The following CDH13 variants were observed in gnomAD, a reference collection of about 807,000 sequenced individuals.
The protein encoded by CDH13 is cadherin 13.
In CDH13, 24 loss-of-function variants were observed where a neutral mutation model predicts 63.8. The ratio of observed to expected loss-of-function variants is 0.38; its 90% CI spans 0.27 to 0.53. The LOEUF (loss-of-function observed/expected upper bound fraction) is 0.53. Ranked by LOEUF, CDH13 falls within the 20% of genes least tolerant of loss-of-function variation. CDH13 has a pLI of 0.85. For synonymous variants in CDH13, 503 were observed against 355.3 expected, an observed-to-expected ratio of 1.42 and a Z score of -4.67; for missense variants, 1,049 against 903.1, an observed-to-expected ratio of 1.16 and a Z score of -2.07.
chr16:83,536,931 G>A (rs188136833), intron 7 of CDH13, among the ~76,000 whole-genome samples: 12 of 152,284 alleles, frequency 7.9e-5, no homozygotes, highest in African/African-American at 1.4e-4. Flanking sequence ...GGGATGTTGC[G>A]GATGGAGGTA....
intron 3 of CDH13, among the ~76,000 whole-genome samples, chr16:83,042,053 G>A (rs557082680): frequency 6.6e-4 from 101 of 152,230 alleles, no homozygotes; most frequent in Admixed American, 3.7e-3. Flanking sequence ...TCTACTCTGA[G>A]CCAACTGTTT....
chr16:82,715,825 G>C (rs2032329450), intron 1 of CDH13, among the ~76,000 whole-genome samples: 1 of 152,124 alleles, frequency 6.6e-6, no homozygotes, highest in African/African-American at 2.4e-5. Flanking sequence ...ATTCCTACCT[G>C]CCTTTTTTAT....
intron 3 of CDH13, among the ~76,000 whole-genome samples, chr16:83,105,620 A>G (rs373739306): frequency 1.3e-5 from 2 of 152,154 alleles, no homozygotes; most frequent in African/African-American, 4.8e-5. Flanking sequence ...GCCATGTGAT[A>G]TTAGATGGCA....
At chr16:83,670,057 A>G (rs1289128044) in intron 8 of CDH13, among the ~76,000 whole-genome samples, 1 of 152,230 alleles carries the variant, frequency 6.6e-6, no homozygotes, top group Non-Finnish European at 1.5e-5. Flanking sequence ...GATGTATTAC[A>G]ATAGAAACAC....
At chr16:83,017,506 G>T (rs189786026) in intron 2 of CDH13, among the ~76,000 whole-genome samples, 26 of 152,320 alleles carry the variant, frequency 1.7e-4, no homozygotes, top group African/African-American at 6.3e-4. Flanking sequence ...CCTACTTACA[G>T]ATGTGTGACC....
At chr16:83,393,940 T>G (rs766028643) in intron 6 of CDH13, among the ~76,000 whole-genome samples, 7 of 152,178 alleles carry the variant, frequency 4.6e-5, no homozygotes, top group Non-Finnish European at 8.8e-5. Context: ...GATCATGTCC[T>G]GTGCAGGAAC....
At chr16:83,079,024 A>C (rs2033048691) in intron 3 of CDH13, among the ~76,000 whole-genome samples, 1 of 152,050 alleles carries the variant, frequency 6.6e-6, no homozygotes, top group Non-Finnish European at 1.5e-5. Flanking sequence ...TGAACTCCTG[A>C]CCTCAGGTGA....
At chr16:83,636,313 A>T (rs938669914) in intron 8 of CDH13, among the ~76,000 whole-genome samples, 2 of 151,624 alleles carry the variant, frequency 1.3e-5, no homozygotes, top group South Asian at 2.1e-4. Context: ...TCCTTTTTCG[A>T]CTTTTACTTT....
chr16:83,668,835 C>T (rs566809005), intron 8 of CDH13, among the ~76,000 whole-genome samples: 2 of 152,310 alleles, frequency 1.3e-5, no homozygotes, highest in South Asian at 4.1e-4. Flanking sequence ...GTCACCAAGC[C>T]CCCTCCTGAC....
intron 10 of CDH13, among the ~76,000 whole-genome samples, chr16:83,700,248 A>G (rs1906017126): frequency 6.6e-6 from 1 of 152,160 alleles, no homozygotes; most frequent in Non-Finnish European, 1.5e-5. Flanking sequence ...CCGTGTTGTC[A>G]CCTGTGTCAC....
At chr16:83,354,222 C>T (rs994414960) in intron 6 of CDH13, among the ~76,000 whole-genome samples, 1 of 152,244 alleles carries the variant, frequency 6.6e-6, no homozygotes, top group East Asian at 1.9e-4. Flanking sequence ...CCGTTGGATC[C>T]TATCCCTGAT....
chr16:82,972,426 C>G (rs1458550814), intron 2 of CDH13, among the ~76,000 whole-genome samples: 1 of 152,174 alleles, frequency 6.6e-6, no homozygotes, highest in Non-Finnish European at 1.5e-5. Context: ...GAAAGTCACA[C>G]AGCCCAGCAT....
At chr16:83,013,151 A>G (rs752776103) in intron 2 of CDH13, among the ~76,000 whole-genome samples, 1 of 152,248 alleles carries the variant, frequency 6.6e-6, no homozygotes, top group Non-Finnish European at 1.5e-5. Context: ...TAAATATTTA[A>G]GGCTTATGAG....
intron 6 of CDH13, among the ~76,000 whole-genome samples, chr16:83,345,948 C>A (rs886772367): frequency 1.3e-5 from 2 of 152,098 alleles, no homozygotes; most frequent in African/African-American, 4.8e-5. Flanking sequence ...TGGGATCTAT[C>A]AGTGACATGT....
chr16:83,270,979 C>T (rs12935626), intron 5 of CDH13, among the ~76,000 whole-genome samples: 1 of 150,208 alleles, frequency 6.7e-6, no homozygotes, highest in Non-Finnish European at 1.5e-5. Context: ...CTCTCCTTCC[C>T]TTCTTTTCTC....
intron 5 of CDH13, among the ~76,000 whole-genome samples, chr16:83,319,819 G>A (rs969666532): frequency 6.6e-6 from 1 of 152,154 alleles, no homozygotes; most frequent in Non-Finnish European, 1.5e-5. Flanking sequence ...GAATAATCAG[G>A]TCATAGCTAA....
chr16:82,959,307 C>G (rs905610422), intron 2 of CDH13, among the ~76,000 whole-genome samples: 1 of 152,192 alleles, frequency 6.6e-6, no homozygotes, highest in African/African-American at 2.4e-5. Flanking sequence ...TTCACTCAAA[C>G]CTGCATGGTG....
chr16:83,073,348 TGTGTGTGA>T (rs998203436), intron 3 of CDH13, among the ~76,000 whole-genome samples: 2 of 125,826 alleles, frequency 1.6e-5, no homozygotes, highest in African/African-American at 3.4e-5. Flanking sequence ...TGTGTGTGTG[TGTGTGTGA>T]GAGAGAGAGA....
chr16:82,868,602 A>T (rs1479399070), intron 2 of CDH13, among the ~76,000 whole-genome samples: 1 of 152,206 alleles, frequency 6.6e-6, no homozygotes, highest in Non-Finnish European at 1.5e-5. Flanking sequence ...GAACATGAAC[A>T]CAGGTGGAGT....
Sources: allele counts gnomAD v4.1 joint callset (sites outside exome capture counted in the v4.1 genomes callset), GRCh38; gene constraint gnomAD v4.1.1; transcripts MANE v1.5; gene names NCBI Gene and HGNC (gene_info 2026-07-23, HGNC 2026-07-21).